PRKN: variants seen among roughly 807,000 people sequenced by gnomAD.
PRKN encodes parkin RBR E3 ubiquitin protein ligase.
PRKN carries 56 observed loss-of-function variants against 59.5 expected under a neutral mutation model. The observed-to-expected ratio is 0.94, with a 90% CI of 0.76 to 1.18. PRKN has a LOEUF of 1.18. Among genes scored for constraint, PRKN ranks in the 50% most tolerant of loss-of-function variants. PRKN has a pLI of 0.00. For missense variants in PRKN, 657 were observed against 596.4 expected (o/e 1.10, Z -1.06); for synonymous variants, 250 against 222.1 (o/e 1.13, Z -1.12).
rs896744928 is a variant in PRKN, at chr6:161,777,739, G to A, written c.871+8033C>T. Among the ~76,000 whole-genome samples the A allele has an allele frequency of 3.1e-4, 42 of 134,690 alleles. 1 individual carries two copies. Among genetic ancestry groups the A allele is most frequent in the South Asian group, 1.6e-3 (7 of 4,258 alleles). 88.4% of individuals were successfully genotyped at this position (134,690 alleles called of 152,430 possible). On this transcript the variant is annotated intron_variant, in intron 7 of 11. Coordinates refer to ENST00000366898, the MANE Select transcript of PRKN (RefSeq NM_004562.3). The stretch of plus-strand genomic sequence containing the variant: ...TTTATATACATATATATCTATATAT[G>A]TATATATAGATATATATGTATATGT...
rs142074189 is a variant in PRKN at position 162,667,679 on chromosome 6, G to GA, written c.7+59982dup. 8.0e-3 allele frequency among the ~76,000 whole-genome samples: 1,215 copies of GA among 152,106 alleles called. 12 individuals carry two copies. Among genetic ancestry groups the GA allele is most frequent in the African/African-American group, 0.028 (1,171 of 41,512 alleles). ...TTCCCTCTTTCTCACTTTTCTAACAGAAAAATATAGCATACACAGGGCATA... is the reference window on the plus strand; with the variant it reads ...TTCCCTCTTTCTCACTTTTCTAACAGAAAAAATATAGCATACACAGGGCATA... On this transcript the variant is annotated intron_variant, in intron 1 of 11. Coordinates refer to ENST00000366898, the MANE Select transcript of PRKN (RefSeq NM_004562.3).
In PRKN at chr6:161,735,422, G is replaced by A. The variant is rs568826510; in HGVS notation, c.871+50350C>T. ...ACATTTTCCTTTCTCTAGCTTACTTGAGGATATTTATATAATACAAATAGC... is the reference window on the plus strand; with the variant it reads ...ACATTTTCCTTTCTCTAGCTTACTTAAGGATATTTATATAATACAAATAGC... On this transcript the variant is annotated intron_variant, in intron 7 of 11. Transcript: ENST00000366898. Among the ~76,000 whole-genome samples the A allele has an allele frequency of 5.5e-4, 83 of 152,210 alleles. 2 individuals carry two copies. In the South Asian group the frequency reaches 6.6e-3, roughly 12 times the overall value.
At chr6:162,354,465 T>C (rs1285917174) in intron 2 of PRKN, among the ~76,000 whole-genome samples, 1 of 152,062 alleles carries the variant, frequency 6.6e-6, no homozygotes, top group African/African-American at 2.4e-5. Flanking sequence ...TAACAGATTA[T>C]AGTCTCTATT....
At chr6:162,018,006 C>T (rs1286585057) in intron 5 of PRKN, among the ~76,000 whole-genome samples, 1 of 151,926 alleles carries the variant, frequency 6.6e-6, no homozygotes, top group East Asian at 1.9e-4. Context: ...ATGAAGAACA[C>T]AGGCCATAAT....
intron 1 of PRKN, among the ~76,000 whole-genome samples, chr6:162,446,567 C>A (rs1483664205): frequency 1.3e-5 from 2 of 152,086 alleles, no homozygotes; most frequent in Admixed American, 1.3e-4. Context: ...TTAGATAAAT[C>A]ATAAATACTA....
rs1287477242 is a variant in PRKN, at chr6:161,463,101, G to A, written c.1084-76224C>T. 6.6e-6 allele frequency among the ~76,000 whole-genome samples: 1 copy of A among 152,160 alleles called. No individual in the cohort carries two copies. The highest frequency in any genetic ancestry group is 1.5e-5 in the Non-Finnish European group (1 of 68,042). On this transcript the variant is annotated intron_variant, in intron 9 of 11. Transcript: ENST00000366898. The surrounding 1 kb of genome is among the most constrained non-coding windows in gnomAD (Gnocchi z 4.8). Reference sequence around the variant, plus strand: ...AATTATGGGTGACTGAGCACCAAGGGGTTCCAAGGTCAGTGTGAGCCCTTC... The same window carrying A: ...AATTATGGGTGACTGAGCACCAAGGAGTTCCAAGGTCAGTGTGAGCCCTTC...
chr6:161,752,600 G>A (rs1274195668), intron 7 of PRKN, among the ~76,000 whole-genome samples: 1 of 152,082 alleles, frequency 6.6e-6, no homozygotes, highest in Non-Finnish European at 1.5e-5. Context: ...GGCTGAGGTG[G>A]GAGGACTGCT....
intron 7 of PRKN, among the ~76,000 whole-genome samples, chr6:161,733,358 CATGGTTT>C (rs1323548536): frequency 1.3e-5 from 2 of 152,086 alleles, no homozygotes; most frequent in African/African-American, 4.8e-5. Flanking sequence ...TTAAAATGCC[CATGGTTT>C]ATGAACCTTA....
At chr6:161,777,872 ATACG>A (rs1168186239) in intron 7 of PRKN, among the ~76,000 whole-genome samples, 1 of 142,682 alleles carries the variant, frequency 7.0e-6, no homozygotes, top group Non-Finnish European at 1.5e-5. Flanking sequence ...ATGTATATGT[ATACG>A]TATATATGTA....
intron 7 of PRKN, among the ~76,000 whole-genome samples, chr6:161,594,193 T>A (rs911546687): frequency 9.9e-5 from 15 of 152,054 alleles, no homozygotes; most frequent in Admixed American, 5.9e-4. Flanking sequence ...AACTGACTGC[T>A]GGACTTCATG....
At chr6:162,273,043 G>C (rs550492869) in intron 2 of PRKN, among the ~76,000 whole-genome samples, 1 of 138,088 alleles carries the variant, frequency 7.2e-6, no homozygotes, top group Non-Finnish European at 1.6e-5. Flanking sequence ...TCAGAAACAA[G>C]TGAAATGCTT....
intron 2 of PRKN, among the ~76,000 whole-genome samples, chr6:162,273,211 G>A (rs1314623334): frequency 1.3e-5 from 2 of 152,078 alleles, no homozygotes; most frequent in African/African-American, 4.8e-5. Context: ...ATCGAAGTTA[G>A]TGAAAATGGT....
At chr6:161,494,375 T>C (rs1719509458) in intron 9 of PRKN, among the ~76,000 whole-genome samples, 1 of 152,184 alleles carries the variant, frequency 6.6e-6, no homozygotes, top group African/African-American at 2.4e-5. Flanking sequence ...TTATCAGGTG[T>C]CCACGTCAGC....
chr6:162,342,959 T>C (rs976977917), intron 2 of PRKN, among the ~76,000 whole-genome samples: 7 of 152,132 alleles, frequency 4.6e-5, no homozygotes, highest in African/African-American at 9.7e-5. Context: ...CCTAGGTTTC[T>C]CTCTTGTGGC....
In PRKN at chr6:161,976,826, C is replaced by A. The variant is rs146943935; in HGVS notation, c.619-3409G>T. Among the ~76,000 whole-genome samples the A allele has an allele frequency of 3.2e-4, 49 of 152,292 alleles. No individual in the cohort carries two copies. In the East Asian group the frequency reaches 6.2e-3, roughly 19 times the overall value. Reference sequence around the variant, plus strand: ...CATATACAGATAAATAGATAGAAAGCACTTACGTTTTTTCTTAGCTTACAG... The same window carrying A: ...CATATACAGATAAATAGATAGAAAGAACTTACGTTTTTTCTTAGCTTACAG... On this transcript the variant is annotated intron_variant, in intron 5 of 11. Coordinates refer to ENST00000366898, the MANE Select transcript of PRKN (RefSeq NM_004562.3).
intron 1 of PRKN, among the ~76,000 whole-genome samples, chr6:162,567,009 A>G (rs1780111315): frequency 6.6e-6 from 1 of 152,228 alleles, no homozygotes; most frequent in South Asian, 2.1e-4. Context: ...AAAGATAAAA[A>G]TCATATGATG....
In PRKN at chr6:161,447,779, C is replaced by T. The variant is rs1238067386; in HGVS notation, c.1084-60902G>A. Among the ~76,000 whole-genome samples, 2 of 152,212 alleles carry T rather than the reference C, an allele frequency of 1.3e-5. No individual in the cohort carries two copies. Among genetic ancestry groups the T allele is most frequent in the Non-Finnish European group, 2.9e-5 (2 of 68,040 alleles). ...ATGTGCTGGGATTACAGGTATGAGC[C>T]ACCGTGGCTGGCCTCCTTTTTCTTT... On this transcript the variant is annotated intron_variant, in intron 9 of 11. Coordinates refer to ENST00000366898, the MANE Select transcript of PRKN (RefSeq NM_004562.3). This position sits in a 1 kb window ranked among gnomAD's most constrained non-coding sequence, Gnocchi z 4.1.
chr6:162,383,605 T>C (rs1786617233), intron 2 of PRKN, among the ~76,000 whole-genome samples: 1 of 152,176 alleles, frequency 6.6e-6, no homozygotes, highest in African/African-American at 2.4e-5. Context: ...CCTAGGACTA[T>C]CAGAATGGTA....
intron 7 of PRKN, among the ~76,000 whole-genome samples, chr6:161,706,857 C>G (rs1173137918): frequency 1.3e-5 from 2 of 152,178 alleles, no homozygotes; most frequent in African/African-American, 4.8e-5. Flanking sequence ...CACACCCGGA[C>G]TGACTCATTT....
Sources: gnomAD v4.1 joint callset for allele counts (sites outside exome capture counted in the v4.1 genomes callset) on GRCh38, gnomAD v4.1.1 for gene constraint, Gnocchi (gnomAD v3.1) non-coding constraint, MANE v1.5 for transcripts, NCBI Gene and HGNC (gene_info 2026-07-23, HGNC 2026-07-21) for gene names.